Variants in SYNE1 observed in about 807,000 individuals in gnomAD.
SYNE1 encodes the protein spectrin repeat containing nuclear envelope protein 1, also known as nesprin-1.
A neutral mutation model predicts 1,111.0 loss-of-function variants in SYNE1; 616 were observed. The ratio of observed to expected loss-of-function variants is 0.55; its 90% CI spans 0.52 to 0.59. SYNE1 has a LOEUF of 0.59. SYNE1 is among the 20% of genes least tolerant of loss of function. The probability of loss-of-function intolerance (pLI) is 0.00; values close to 1 mark genes in which losing one functional copy is unlikely to be tolerated. For synonymous variants in SYNE1, 3,855 were observed against 3,825.8 expected (o/e 1.01, Z -0.28); for missense variants, 10,006 against 10,417.0 (o/e 0.96, Z 1.72).
rs1295318002 is a variant in SYNE1 at position 152,488,464 on chromosome 6, T to C, written c.979A>G (p.Ile327Val). ...RVIFKEMKVWIEQFERDLTRA... is the reference protein window; with the variant it reads ...RVIFKEMKVWVEQFERDLTRA... ...GTCAAATCTCTCTCAAATTGTTCTA[T>C]CCAAACTTTCATTTCCTTAAAAATT... The change falls in exon 12 of 146, where the codon ATA (isoleucine) becomes GTA (valine). Residue 327 changes from isoleucine to valine, a missense_variant. Transcript: ENST00000367255. 4.4e-6 allele frequency: 7 copies of C among 1,608,428 alleles called. No individual in the cohort carries two copies. Among genetic ancestry groups the C allele is most frequent in the Non-Finnish European group, 6.0e-6 (7 of 1,176,452 alleles).
intron 45 of SYNE1, 73 bp downstream of exon 45, chr6:152,406,941 A>C (rs577259353): frequency 2.0e-4 from 234 of 1,184,474 alleles, no homozygotes; most frequent in Middle Eastern, 6.0e-4. Context: ...CTTTTAAGAA[A>C]GACTTTTTTT....
intron 93 of SYNE1, among the ~76,000 whole-genome samples, chr6:152,296,196 C>G: frequency 6.6e-6 from 1 of 152,220 alleles, no homozygotes; most frequent in East Asian, 1.9e-4. Flanking sequence ...TGCCAGACCT[C>G]TAGCATTCAA....
chr6:152,400,496 C>T (rs1256621229), intron 47 of SYNE1, among the ~76,000 whole-genome samples: 1 of 151,960 alleles, frequency 6.6e-6, no homozygotes, highest in Non-Finnish European at 1.5e-5. Context: ...AAACCCATCT[C>T]TACTAAAAAT....
At position 152,318,243 on chromosome 6, in the gene SYNE1, A is replaced by G. The variant is rs752188359; in HGVS notation, c.16410T>C (p.Asp5470=). The change falls in exon 86 of 146, where the codon GAT becomes GAC. Residue 5470 remains aspartate, a synonymous_variant. Transcript: ENST00000367255. ...ATTCCATTAACTTTGAATTACAGCC[A>G]TCTAATTCCTCTCCCAGCACCTTGA... ...TDQKVLGEEL[D]GCNSKLMELD... is the part of the protein sequence containing the mutation. The G allele has an allele frequency of 1.9e-6, 3 of 1,614,206 alleles. No homozygotes were observed. The highest frequency in any genetic ancestry group is 2.5e-6 in the Non-Finnish European group (3 of 1,180,034).
chr6:152,428,482 C>T, intron 36 of SYNE1, 90 bp from the exon 37 acceptor site: 2 of 1,294,528 alleles, frequency 1.5e-6, no homozygotes, highest in Non-Finnish European at 2.2e-6. Context: ...AAAATATTTT[C>T]CCTCAGTCAT....
At chr6:152,579,224 A>G (rs777097318) in intron 3 of SYNE1, among the ~76,000 whole-genome samples, 1 of 152,150 alleles carries the variant, frequency 6.6e-6, no homozygotes, top group Admixed American at 6.5e-5. Context: ...TGGGTGAGCT[A>G]TTGGGACTGC....
intron 140 of SYNE1, among the ~76,000 whole-genome samples, chr6:152,138,556 T>A (rs534848143): frequency 1.6e-4 from 22 of 137,552 alleles, no homozygotes; most frequent in Middle Eastern, 7.7e-3. Context: ...AATAAATAAA[T>A]AAAATAAAAC....
intron 16 of SYNE1, among the ~76,000 whole-genome samples, chr6:152,467,201 G>A (rs959838456): frequency 6.6e-6 from 1 of 152,018 alleles, no homozygotes; most frequent in Non-Finnish European, 1.5e-5. Context: ...GGAATGAGAG[G>A]TTCCATGATG....
intron 4 of SYNE1, among the ~76,000 whole-genome samples, chr6:152,530,788 AT>A (rs1360804501): frequency 6.6e-6 from 1 of 150,934 alleles, no homozygotes; most frequent in South Asian, 2.1e-4. Context: ...CACCCAGCTA[AT>A]TTTTTTTGTA....
At position 152,143,605 on chromosome 6, in the gene SYNE1, G is replaced by C. The variant is rs758938828; in HGVS notation, c.25119+18C>G. On this transcript the variant is annotated intron_variant, in intron 138 of 145. Transcript: ENST00000367255. ...GTGGTTTCGCACAGGTCGGAATCAG[G>C]ATGGCCAGGATACTTACGTAGCCTT... 2 of 1,614,134 alleles carry C rather than the reference G, an allele frequency of 1.2e-6. No individual in the cohort carries two copies. Among genetic ancestry groups the C allele is most frequent in the Non-Finnish European group, 1.7e-6 (2 of 1,180,026 alleles).
In SYNE1 at chr6:152,268,037, G is replaced by C. The variant is rs746847486; in HGVS notation, c.18815+19C>G. The C allele has an allele frequency of 6.3e-7, 1 of 1,580,782 alleles. No individual in the cohort carries two copies. The highest frequency in any genetic ancestry group is 8.7e-7 in the Non-Finnish European group (1 of 1,149,686). ...AGGGAAACACAATGAAGAGAAAATG[G>C]AAGCATTTTGAAACATACCCAGCAT... is the stretch of plus-strand genomic sequence containing the variant. On this transcript the variant is annotated intron_variant, in intron 100 of 145. Transcript: ENST00000367255.
At chr6:152,396,663 A>G in intron 50 of SYNE1, 112 bp downstream of exon 50, 1 of 1,050,826 alleles carries the variant, frequency 9.5e-7, no homozygotes, top group South Asian at 1.3e-5. Flanking sequence ...GCTTATTATA[A>G]TTTAAACTCA....
chr6:152,507,743 T>G (rs561003737), intron 8 of SYNE1, among the ~76,000 whole-genome samples: 1 of 152,206 alleles, frequency 6.6e-6, no homozygotes, highest in Non-Finnish European at 1.5e-5. Context: ...TCAGAAAATA[T>G]AATTGTTCTT....
intron 91 of SYNE1, among the ~76,000 whole-genome samples, chr6:152,303,295 A>C (rs372109280): frequency 6.6e-5 from 10 of 151,628 alleles, no homozygotes; most frequent in African/African-American, 2.4e-4. Flanking sequence ...CTCTACTAAA[A>C]ATACAAAAAT....
intron 112 of SYNE1, among the ~76,000 whole-genome samples, chr6:152,233,357 T>C (rs2083226882): frequency 6.6e-6 from 1 of 151,184 alleles, no homozygotes; most frequent in South Asian, 2.1e-4. Flanking sequence ...CTGGAGACAG[T>C]CTCACTGTCA....
At chr6:152,225,096 T>C in intron 116 of SYNE1, among the ~76,000 whole-genome samples, 1 of 151,672 alleles carries the variant, frequency 6.6e-6, no homozygotes, top group Non-Finnish European at 1.5e-5. Flanking sequence ...CCTTATGAGA[T>C]AGGTATGATC....
intron 140 of SYNE1, among the ~76,000 whole-genome samples, chr6:152,139,653 A>G (rs1026858402): frequency 6.7e-6 from 1 of 149,520 alleles, no homozygotes; most frequent in East Asian, 1.9e-4. Context: ...AAGAAAGAAA[A>G]AAAAGAAGGA....
chr6:152,555,021 T>C (rs1434535295), intron 3 of SYNE1, among the ~76,000 whole-genome samples: 1 of 152,228 alleles, frequency 6.6e-6, no homozygotes, highest in Non-Finnish European at 1.5e-5. Context: ...TTAAGACATC[T>C]TAAAAGAGGA....
intron 79 of SYNE1, 42 bp downstream of exon 79, chr6:152,326,254 T>C: frequency 6.2e-7 from 1 of 1,613,194 alleles, no homozygotes; most frequent in Admixed American, 1.7e-5. Context: ...AGTGTGGAAA[T>C]TCATTTCACT....
Sources: allele counts gnomAD v4.1 joint callset (sites outside exome capture counted in the v4.1 genomes callset), GRCh38; gene constraint gnomAD v4.1.1; transcripts MANE v1.5; gene names NCBI Gene and HGNC (gene_info 2026-07-23, HGNC 2026-07-21).